PCNT: variants seen among roughly 807,000 people sequenced by gnomAD.
PCNT encodes pericentrin, also known as kendrin.
PCNT carries 319 observed loss-of-function variants against 380.4 expected under a neutral mutation model. The ratio of observed to expected loss-of-function variants is 0.84; its 90% CI spans 0.77 to 0.92. PCNT has a LOEUF of 0.92. Among genes scored for constraint, PCNT ranks in the 40% least tolerant of loss-of-function variants. The pLI, the probability that PCNT is intolerant of heterozygous loss-of-function variation, is 0.00. For synonymous variants in PCNT, 1,845 were observed against 1,735.2 expected (o/e 1.06, Z -1.57); for missense variants, 4,400 against 4,255.3 (o/e 1.03, Z -0.95).
Position 46,326,357 on chromosome 21 carries a change from T to G in PCNT, c.55-20T>G, listed in dbSNP as rs757328935. The G allele has an allele frequency of 1.2e-6, 2 of 1,612,896 alleles. No homozygotes were observed. The highest frequency in any genetic ancestry group is 8.5e-7 in the Non-Finnish European group (1 of 1,178,886). The stretch of plus-strand genomic sequence containing the variant: ...TCTCACTTACCTTTGCCTTTACTAC[T>G]TATCTACATTTTTGCGCAGCTTGCT... On this transcript the variant is annotated intron_variant, in intron 1 of 46. Transcript: ENST00000359568.
Position 46,324,824 on chromosome 21 carries a change from G to A in PCNT, c.54+542G>A, listed in dbSNP as rs560618646. On this transcript the variant is annotated intron_variant, in intron 1 of 46. Transcript: ENST00000359568. ...GGGGGCGTGGCGCGGGTGGCCTGCAGCGCCTCCCCAGGGTGCGCCTTCGCC... is the reference window on the plus strand; with the variant it reads ...GGGGGCGTGGCGCGGGTGGCCTGCAACGCCTCCCCAGGGTGCGCCTTCGCC... The A allele has an allele frequency of 6.3e-6, 6 of 955,744 alleles. No homozygotes were observed. The South Asian group carries it at 2.9e-4, about 46-fold the overall frequency. The allele number at this position is 955,744 out of a possible 1,614,324, so 59.2% of individuals were successfully genotyped here. A position where few individuals can be genotyped will look rare whatever the true frequency, so the allele number is the denominator to read the frequency against.
At position 46,366,690 on chromosome 21, in the gene PCNT, G is replaced by C; in HGVS notation, c.2716G>C (p.Glu906Gln). The change falls in exon 15 of 47, where the codon GAG (glutamate) becomes CAG (glutamine). Residue 906 changes from glutamate (E) to glutamine (Q), a missense_variant. By Grantham distance (29) the Glu-to-Gln change is conservative (BLOSUM62 2). Coordinates refer to ENST00000359568, the MANE Select transcript of PCNT (RefSeq NM_006031.6). The part of the protein sequence containing the change: ...QHARELQLLQ[E>Q]RHQQQLLSVT... ...TGCCCGTGAGCTGCAGCTCCTCCAG[G>C]AGAGACACCAGCAGCAGCTCCTGTC... is the stretch of plus-strand genomic sequence containing the variant. The C allele has an allele frequency of 6.2e-7, 1 of 1,613,880 alleles. No homozygotes were observed. The highest frequency in any genetic ancestry group is 1.6e-4 in the Middle Eastern group (1 of 6,062).
chr21:46,325,044 C>T (rs901572117), intron 1 of PCNT: 6 of 985,530 alleles, frequency 6.1e-6, no homozygotes, highest in South Asian at 4.7e-5. Flanking sequence ...GGACGCGCTC[C>T]CGTCTTTCTC....
intron 27 of PCNT, among the ~76,000 whole-genome samples, chr21:46,405,527 G>A (rs556376642): frequency 9.9e-5 from 15 of 152,142 alleles, no homozygotes; most frequent in Non-Finnish European, 1.9e-4. Flanking sequence ...GTGAAACCCC[G>A]TCTCTACTAA....
intron 34 of PCNT, 26 bp from the exon 35 acceptor site, chr21:46,428,369 G>A (rs757374335): frequency 5.6e-6 from 9 of 1,606,860 alleles, no homozygotes; most frequent in Non-Finnish European, 7.7e-6. Context: ...CCAATGCTCA[G>A]GCTGCTTGTC....
intron 12 of PCNT, among the ~76,000 whole-genome samples, chr21:46,355,904 G>A (rs928604805): frequency 6.6e-5 from 10 of 152,196 alleles, no homozygotes; most frequent in Non-Finnish European, 1.5e-4. Context: ...GGGATTGCTG[G>A]ATGGACATGG....
chr21:46,327,955 C>A (rs2083443037), intron 2 of PCNT, among the ~76,000 whole-genome samples: 1 of 152,070 alleles, frequency 6.6e-6, no homozygotes, highest in Admixed American at 6.5e-5. Context: ...TCCTTGGGGG[C>A]CTACAAACCT....
Position 46,411,987 on chromosome 21 carries a change from G to A in PCNT, c.5914G>A (p.Gly1972Ser). ...PGAHPQPRMD[G>S]GAKAQVTGDV... ...GGCCCACCCACAGCCTCGCATGGATGGTGGCGCCAAGGCCCAGGTCACCGG... is the reference window on the plus strand; with the variant it reads ...GGCCCACCCACAGCCTCGCATGGATAGTGGCGCCAAGGCCCAGGTCACCGG... The change falls in exon 28 of 47, where the codon GGT (glycine) becomes AGT (serine). Residue 1972 changes from glycine (G) to serine (S), a missense_variant. Coordinates refer to ENST00000359568, the MANE Select transcript of PCNT (RefSeq NM_006031.6). 6.2e-7 allele frequency: 1 copy of A among 1,604,748 alleles called. No individual in the cohort carries two copies. The highest frequency in any genetic ancestry group is 8.5e-7 in the Non-Finnish European group (1 of 1,179,790).
At chr21:46,397,969 G>T in intron 22 of PCNT, 45 bp from the exon 23 acceptor site, 1 of 1,485,498 alleles carries the variant, frequency 6.7e-7, no homozygotes. Context: ...CAAGGGGCAC[G>T]CCAGCCCCGT....
At position 46,416,637 on chromosome 21, in the gene PCNT, C is replaced by A; in HGVS notation, c.6719C>A (p.Pro2240His). Residue 2240 changes from proline (P) to histidine (H), a missense_variant, in exon 30 of 47, where the codon CCC becomes CAC. By Grantham distance (77) the Pro-to-His change is moderately conservative. Coordinates refer to ENST00000359568, the MANE Select transcript of PCNT (RefSeq NM_006031.6). ...AAGGACTGGACCCTGGAGCCCTGGC[C>A]CAGCCTCCCCGTGACACCCCACTCA... The part of the protein sequence containing the change: ...LRKDWTLEPW[P>H]SLPVTPHSGA... 1 of 1,568,992 alleles carries A rather than the reference C, an allele frequency of 6.4e-7. No individual in the cohort carries two copies. Among genetic ancestry groups the A allele is most frequent in the Non-Finnish European group, 8.6e-7 (1 of 1,158,866 alleles).
intron 3 of PCNT, among the ~76,000 whole-genome samples, chr21:46,340,933 G>A (rs2083894933): frequency 6.6e-6 from 1 of 152,130 alleles, no homozygotes; most frequent in Non-Finnish European, 1.5e-5. Context: ...GCCCAGGCTG[G>A]AGTGCAGTGG....
rs562561141 is a variant in PCNT at position 46,425,263 on chromosome 21, C to T, written c.7180-568C>T. On this transcript the variant is annotated intron_variant, in intron 32 of 46. Coordinates refer to ENST00000359568, the MANE Select transcript of PCNT (RefSeq NM_006031.6). The surrounding 1 kb of genome is among the most constrained non-coding windows in gnomAD (Gnocchi z 4.2). Reference sequence around the variant, plus strand: ...TGCGTAATCGGTGGGATAAAGCAGCCGCCTCGTGTTCACAGACCTGTGGGC... The same window carrying T: ...TGCGTAATCGGTGGGATAAAGCAGCTGCCTCGTGTTCACAGACCTGTGGGC... Among the ~76,000 whole-genome samples, 3 of 152,280 alleles carry T rather than the reference C, an allele frequency of 2.0e-5. No homozygotes were observed. The highest frequency in any genetic ancestry group is 1.9e-4 in the East Asian group (1 of 5,174).
At chr21:46,426,069 CTTTTTTT>C (rs760416456) in intron 33 of PCNT, 98 bp downstream of exon 33, 49 of 309,220 alleles carry the variant, frequency 1.6e-4, no homozygotes, top group Middle Eastern at 1.0e-3. Context: ...GGATTTCTTT[CTTTTTTT>C]TTTTTTTTTT....
At chr21:46,395,245 G>T (rs1465172963) in intron 21 of PCNT, among the ~76,000 whole-genome samples, 2 of 152,236 alleles carry the variant, frequency 1.3e-5, no homozygotes, top group African/African-American at 2.4e-5. Flanking sequence ...TTGGAAGCTG[G>T]TGAAATGTCA....
At chr21:46,340,379 G>T (rs558228853) in intron 3 of PCNT, among the ~76,000 whole-genome samples, 1 of 152,142 alleles carries the variant, frequency 6.6e-6, no homozygotes, top group African/African-American at 2.4e-5. Context: ...GCCCACTTTT[G>T]TGCTTGCCTT....
intron 2 of PCNT, among the ~76,000 whole-genome samples, chr21:46,327,013 A>C: frequency 7.1e-6 from 1 of 141,164 alleles, no homozygotes; most frequent in Admixed American, 7.1e-5. Context: ...ACTCTCTCTC[A>C]AAAAAAAAAA....
chr21:46,402,276 A>T, intron 26 of PCNT, 55 bp from the exon 27 acceptor site: 1 of 1,191,052 alleles, frequency 8.4e-7, no homozygotes, highest in Non-Finnish European at 1.2e-6. Context: ...AATTATTAAT[A>T]TTAATAGAAT....
Position 46,385,932 on chromosome 21 carries a change from C to T in PCNT, c.3413C>T (p.Ala1138Val). 1 of 1,614,196 alleles carries T rather than the reference C, an allele frequency of 6.2e-7. No homozygotes were observed. The change falls in exon 17 of 47, where the codon GCA becomes GTA. Residue 1138 changes from alanine to valine, a missense_variant. Ala to Val is a moderately conservative substitution (Grantham distance 64, BLOSUM62 0). Coordinates refer to ENST00000359568, the MANE Select transcript of PCNT (RefSeq NM_006031.6). Reference sequence around the variant, plus strand: ...CGGGAGCGGGAGAACCGGGAAGGCGCAAACCTCCTCTCCATGCTCAAGGCC... The same window carrying T: ...CGGGAGCGGGAGAACCGGGAAGGCGTAAACCTCCTCTCCATGCTCAAGGCC... ...QRRERENREG[A>V]NLLSMLKADV...
At chr21:46,326,988 G>A (rs1217152462) in intron 2 of PCNT, among the ~76,000 whole-genome samples, 2 of 151,504 alleles carry the variant, frequency 1.3e-5, no homozygotes, top group African/African-American at 4.8e-5. Context: ...ACTCCAGACT[G>A]GGTGACAGAG....
Sources: gnomAD v4.1 joint callset for allele counts (sites outside exome capture counted in the v4.1 genomes callset) on GRCh38, gnomAD v4.1.1 for gene constraint, Gnocchi (gnomAD v3.1) non-coding constraint, MANE v1.5 for transcripts, NCBI Gene and HGNC (gene_info 2026-07-23, HGNC 2026-07-21) for gene names.